DACH2: variants seen among roughly 807,000 people sequenced by gnomAD.
The protein encoded by DACH2 is dachshund family transcription factor 2, also known as dachshund homolog 2.
In DACH2, 17 loss-of-function variants were observed where a neutral mutation model predicts 35.8. That is an observed-to-expected ratio of 0.48 (90% CI 0.33 to 0.71). DACH2 has a LOEUF of 0.71. Among genes scored for constraint, DACH2 ranks in the 30% least tolerant of loss-of-function variants. The probability of loss-of-function intolerance (pLI) is 0.02; values close to 1 mark genes in which losing one functional copy is unlikely to be tolerated. For missense variants in DACH2, 469 were observed against 472.7 expected, an observed-to-expected ratio of 0.99 and a Z score of 0.07; for synonymous variants, 195 against 177.3, an observed-to-expected ratio of 1.10 and a Z score of -0.79.
Position 86,154,809 on chromosome X carries a change from A to G in DACH2, c.488+5701A>G, listed in dbSNP as rs771800079. ...ATGACAGATGCATTAATGTTCCCAT[A>G]CACTGCCAGCAATGTCAAAGAGATT... On this transcript the variant is annotated intron_variant, in intron 1 of 11. Transcript: ENST00000373125. 1.4e-3 allele frequency among the ~76,000 whole-genome samples: 161 copies of G among 111,519 alleles called. 1 individual carries two copies. The highest frequency in any genetic ancestry group is 2.1e-3 in the Non-Finnish European group (110 of 52,924).
chrX:86,516,907 C>A (rs1465026958), intron 3 of DACH2, among the ~76,000 whole-genome samples: 1 of 111,578 alleles, frequency 9.0e-6, no homozygotes, highest in Non-Finnish European at 1.9e-5. Flanking sequence ...TTTATGGCTG[C>A]ATAGTATTCC....
intron 2 of DACH2, among the ~76,000 whole-genome samples, chrX:86,489,318 T>TA (rs1465880612): frequency 1.8e-5 from 2 of 110,765 alleles, no homozygotes. Context: ...TAGATGCATT[T>TA]AAAAAAATCC....
At chrX:86,610,430 CTTTCTTTCTTTCT>C (rs1250438499) in intron 3 of DACH2, among the ~76,000 whole-genome samples, 10 of 68,106 alleles carry the variant, frequency 1.5e-4, no homozygotes, top group African/African-American at 6.7e-4. Context: ...TTCTTTCTTT[CTTTCTTTCTTTCT>C]TTCTTTTTCT....
chrX:86,438,415 G>A (rs992444029), intron 2 of DACH2, among the ~76,000 whole-genome samples: 1 of 109,860 alleles, frequency 9.1e-6, no homozygotes, highest in Admixed American at 9.8e-5. Context: ...TAGTAGAGAC[G>A]GGGTTTTGCC....
At chrX:86,292,514 T>G (rs748989068) in intron 1 of DACH2, among the ~76,000 whole-genome samples, 1 of 111,419 alleles carries the variant, frequency 9.0e-6, no homozygotes, top group Admixed American at 9.6e-5. Flanking sequence ...TTAATTGTGA[T>G]GTTAGGTTGT....
At chrX:86,726,557 C>A (rs1007788103) in intron 6 of DACH2, among the ~76,000 whole-genome samples, 2 of 111,666 alleles carry the variant, frequency 1.8e-5, no homozygotes, top group African/African-American at 6.5e-5. Flanking sequence ...ATGGCAGCAG[C>A]CTTGTCAGTG....
At chrX:86,482,754 T>C (rs936674904) in intron 2 of DACH2, among the ~76,000 whole-genome samples, 5 of 110,143 alleles carry the variant, frequency 4.5e-5, no homozygotes, top group Admixed American at 2.0e-4. Context: ...TGGTATCTCA[T>C]TGTGGTTTTG....
At chrX:86,390,682 C>G (rs766624026) in intron 2 of DACH2, among the ~76,000 whole-genome samples, 1 of 110,341 alleles carries the variant, frequency 9.1e-6, no homozygotes, top group Non-Finnish European at 1.9e-5. Flanking sequence ...CTCCGCCTCT[C>G]AGGTTCAAGC....
chrX:86,495,567 T>A (rs1482113788), intron 2 of DACH2, among the ~76,000 whole-genome samples: 2 of 110,528 alleles, frequency 1.8e-5, no homozygotes, highest in Non-Finnish European at 3.8e-5. Flanking sequence ...ACCAACACTT[T>A]GGGAGGCCAA....
chrX:86,409,121 T>C (rs193288490), intron 2 of DACH2, among the ~76,000 whole-genome samples: 11 of 111,561 alleles, frequency 9.9e-5, no homozygotes, highest in African/African-American at 3.6e-4. Flanking sequence ...AGAGAATTAA[T>C]CATCACTCTT....
rs1326690966 is a variant in DACH2 at position 86,427,383 on chromosome X, C to A, written c.527+50521C>A. 2.7e-5 allele frequency among the ~76,000 whole-genome samples: 3 copies of A among 110,862 alleles called. No homozygotes were observed. In the East Asian group the frequency reaches 8.4e-4, roughly 31 times the overall value. ...ATTGTTGAGGATTAGTTCCCCCACT[C>A]GAGGGAAAGATTTTTACCACTTTTT... is the stretch of plus-strand genomic sequence containing the variant. On this transcript the variant is annotated intron_variant, in intron 2 of 11. Transcript: ENST00000373125.
At chrX:86,346,236 A>T (rs1323879598) in intron 1 of DACH2, among the ~76,000 whole-genome samples, 1 of 110,254 alleles carries the variant, frequency 9.1e-6, no homozygotes, top group Non-Finnish European at 1.9e-5. Context: ...TCCTGTTACC[A>T]TTTCTCGGAC....
At chrX:86,209,217 T>C (rs1244306556) in intron 1 of DACH2, among the ~76,000 whole-genome samples, 1 of 111,493 alleles carries the variant, frequency 9.0e-6, no homozygotes, top group Non-Finnish European at 1.9e-5. Context: ...TTTCTTTTGA[T>C]TAGCCTCATT....
chrX:86,466,087 T>C (rs1393211716), intron 2 of DACH2, among the ~76,000 whole-genome samples: 1 of 111,551 alleles, frequency 9.0e-6, no homozygotes, highest in Non-Finnish European at 1.9e-5. Context: ...ATTAGACTTA[T>C]AGTTTAACAT....
At chrX:86,665,143 A>G (rs993281967) in intron 4 of DACH2, among the ~76,000 whole-genome samples, 10 of 112,317 alleles carry the variant, frequency 8.9e-5, no homozygotes, top group African/African-American at 3.2e-4. Flanking sequence ...TAAGCACATC[A>G]GCATGCCATT....
chrX:86,268,413 A>C (rs186155445), intron 1 of DACH2, among the ~76,000 whole-genome samples: 2 of 112,075 alleles, frequency 1.8e-5, no homozygotes, highest in Admixed American at 1.9e-4. Flanking sequence ...AGCACAAAAA[A>C]GCAAAGCAAT....
rs779572561 is a variant in DACH2, at chrX:86,529,946, T to TACACAC, written c.640+15580_640+15585dup. Among the ~76,000 whole-genome samples the TACACAC allele has an allele frequency of 3.3e-3, 261 of 78,834 alleles. 2 individuals are homozygous for TACACAC. The highest frequency in any genetic ancestry group is 0.023 in the East Asian group (56 of 2,388). 68.5% of individuals were successfully genotyped at this position (78,834 alleles called of 115,157 possible). A position where few individuals can be genotyped will look rare whatever the true frequency, so the allele number is the denominator to read the frequency against. The stretch of plus-strand genomic sequence containing the variant: ...TGGTCAAATAGTATTCCATTGTACA[T>TACACAC]ACACACACACACACACACACACACA... On this transcript the variant is annotated intron_variant, in intron 3 of 11. Transcript: ENST00000373125.
intron 5 of DACH2, among the ~76,000 whole-genome samples, chrX:86,706,512 A>T (rs2041218455): frequency 1.8e-5 from 2 of 111,154 alleles, no homozygotes; most frequent in Admixed American, 1.9e-4. Flanking sequence ...TTTAATTTTT[A>T]AAATATTAAA....
At chrX:86,206,222 T>A (rs140462771) in intron 1 of DACH2, among the ~76,000 whole-genome samples, 33 of 111,247 alleles carry the variant, frequency 3.0e-4, no homozygotes, top group African/African-American at 1.0e-3. Context: ...TTTGCACTCT[T>A]TGGTATATAC....
Sources: allele counts gnomAD v4.1 joint callset (sites outside exome capture counted in the v4.1 genomes callset), GRCh38; gene constraint gnomAD v4.1.1; transcripts MANE v1.5; gene names NCBI Gene and HGNC (gene_info 2026-07-23, HGNC 2026-07-21).